ANTXR1: variants seen among roughly 807,000 people sequenced by gnomAD.
The protein encoded by ANTXR1 is ANTXR cell adhesion molecule 1.
ANTXR1 carries 19 observed loss-of-function variants against 78.1 expected under a neutral mutation model. The observed-to-expected ratio is 0.24, with a 90% confidence interval of 0.17 to 0.36. The LOEUF is 0.36. Ranked by LOEUF, ANTXR1 falls within the 10% of genes least tolerant of loss-of-function variation. The pLI is 1.00. For missense variants in ANTXR1, 518 were observed against 718.6 expected (o/e 0.72, Z 3.19); for synonymous variants, 273 against 260.5 (o/e 1.05, Z -0.46).
chr2:69,205,759 C>T (rs906091967), intron 17 of ANTXR1, among the ~76,000 whole-genome samples: 1 of 152,110 alleles, frequency 6.6e-6, no homozygotes, highest in East Asian at 1.9e-4. Flanking sequence ...TGAATGAATC[C>T]TCCGTCTCTT....
At chr2:69,178,957 G>A (rs1308416814) in intron 14 of ANTXR1, among the ~76,000 whole-genome samples, 2 of 152,178 alleles carry the variant, frequency 1.3e-5, no homozygotes, top group African/African-American at 2.4e-5. Context: ...CGTTCGTGGT[G>A]CTGCTGTGTT....
chr2:69,075,552 T>C, intron 6 of ANTXR1, 38 bp from the exon 7 acceptor site: 2 of 1,604,760 alleles, frequency 1.2e-6, no homozygotes, highest in Non-Finnish European at 8.5e-7. Context: ...CATTTGTCAC[T>C]GCTTCTCTTT....
intron 11 of ANTXR1, among the ~76,000 whole-genome samples, chr2:69,124,263 G>C (rs569797181): frequency 6.6e-6 from 1 of 152,192 alleles, no homozygotes; most frequent in African/African-American, 2.4e-5. Context: ...CAAGTTAAAT[G>C]AAAGTAAGCT....
intron 9 of ANTXR1, among the ~76,000 whole-genome samples, chr2:69,094,623 C>T (rs1459235793): frequency 6.6e-6 from 1 of 152,192 alleles, no homozygotes; most frequent in African/African-American, 2.4e-5. Context: ...GTCTGTCCTG[C>T]TCAAGACACT....
At chr2:69,173,705 CG>C (rs1045183164) in intron 14 of ANTXR1, among the ~76,000 whole-genome samples, 2 of 152,196 alleles carry the variant, frequency 1.3e-5, no homozygotes, top group African/African-American at 4.8e-5. Context: ...AAGATCCTAT[CG>C]TTCCCAATAT....
chr2:69,212,593 C>T (rs892029914), intron 17 of ANTXR1, among the ~76,000 whole-genome samples: 4 of 152,186 alleles, frequency 2.6e-5, no homozygotes, highest in African/African-American at 9.7e-5. Context: ...ATTCAGAAAA[C>T]AGCATATGTA....
chr2:69,015,792 A>G (rs1255382717), intron 1 of ANTXR1, among the ~76,000 whole-genome samples: 1 of 152,220 alleles, frequency 6.6e-6, no homozygotes, highest in Non-Finnish European at 1.5e-5. Context: ...ATGAAAAAAC[A>G]TAAGAAGTTA....
chr2:69,124,451 C>T, intron 11 of ANTXR1, 114 bp from the exon 12 acceptor site: 1 of 918,654 alleles, frequency 1.1e-6, no homozygotes, highest in Non-Finnish European at 1.8e-6. Context: ...AGAAGAGACT[C>T]CAGTCTCAAG....
intron 14 of ANTXR1, among the ~76,000 whole-genome samples, chr2:69,172,119 A>G (rs1674003709): frequency 6.6e-6 from 1 of 152,226 alleles, no homozygotes; most frequent in African/African-American, 2.4e-5. Flanking sequence ...GATGAAAAAC[A>G]AAACATTCCC....
At chr2:69,023,732 A>C (rs1671264742) in intron 1 of ANTXR1, among the ~76,000 whole-genome samples, 2 of 152,344 alleles carry the variant, frequency 1.3e-5, no homozygotes, top group African/African-American at 4.8e-5. Context: ...CAAGGAGCTC[A>C]AAGTTTTGTA....
At chr2:69,098,010 C>T (rs1239700149) in intron 9 of ANTXR1, among the ~76,000 whole-genome samples, 2 of 152,202 alleles carry the variant, frequency 1.3e-5, no homozygotes, top group African/African-American at 4.8e-5. Context: ...CTGCATGATC[C>T]TATTTACATA....
At chr2:69,115,581 G>A (rs1024642700) in intron 10 of ANTXR1, among the ~76,000 whole-genome samples, 1 of 152,248 alleles carries the variant, frequency 6.6e-6, no homozygotes, top group African/African-American at 2.4e-5. Context: ...TGGCAAGGCT[G>A]TGTTGGGTCT....
At chr2:69,211,987 C>A (rs746911358) in intron 17 of ANTXR1, among the ~76,000 whole-genome samples, 19 of 152,220 alleles carry the variant, frequency 1.2e-4, no homozygotes, top group Non-Finnish European at 2.2e-4. Context: ...CAACCCAAGT[C>A]CTTTCTTCTC....
At chr2:69,173,457 G>C (rs1674041988) in intron 14 of ANTXR1, among the ~76,000 whole-genome samples, 2 of 152,168 alleles carry the variant, frequency 1.3e-5, no homozygotes, top group South Asian at 4.1e-4. Flanking sequence ...CCAACCAACA[G>C]ACTGGTGCTC....
chr2:69,239,487 G>A (rs1335355508), intron 17 of ANTXR1, among the ~76,000 whole-genome samples: 2 of 152,058 alleles, frequency 1.3e-5, no homozygotes, highest in Non-Finnish European at 2.9e-5. Flanking sequence ...CAGAAGAATC[G>A]CTTGAACCCA....
intron 13 of ANTXR1, among the ~76,000 whole-genome samples, chr2:69,160,769 C>T (rs1179536720): frequency 6.6e-6 from 1 of 152,158 alleles, no homozygotes; most frequent in Non-Finnish European, 1.5e-5. Flanking sequence ...GCATGTGACT[C>T]TTCAAATTTA....
chr2:69,153,925 G>T (rs1367229523), intron 13 of ANTXR1, among the ~76,000 whole-genome samples: 2 of 152,130 alleles, frequency 1.3e-5, no homozygotes, highest in African/African-American at 2.4e-5. Context: ...GTATAATGAG[G>T]ACAATAAGAG....
intron 13 of ANTXR1, among the ~76,000 whole-genome samples, chr2:69,160,039 G>A (rs1458322499): frequency 1.3e-5 from 2 of 152,150 alleles, no homozygotes; most frequent in Non-Finnish European, 1.5e-5. Flanking sequence ...AACACAACTG[G>A]GACAGGCAAC....
intron 2 of ANTXR1, 21 bp downstream of exon 2, chr2:69,040,136 T>C: frequency 1.2e-6 from 2 of 1,606,130 alleles, no homozygotes; most frequent in South Asian, 2.2e-5. Context: ...CTATGCATTT[T>C]GTTCACTTGT....
Sources: gnomAD v4.1 joint callset for allele counts (sites outside exome capture counted in the v4.1 genomes callset) on GRCh38, gnomAD v4.1.1 for gene constraint, MANE v1.5 for transcripts, NCBI Gene and HGNC (gene_info 2026-07-23, HGNC 2026-07-21) for gene names.